The following SLC26A8 variants were observed in gnomAD, a reference collection of about 807,000 sequenced individuals.
The protein encoded by SLC26A8 is testis anion transporter 1.
In SLC26A8, 70 loss-of-function variants were observed where a neutral mutation model predicts 105.0. That is an observed-to-expected ratio of 0.67 (90% CI 0.55 to 0.81). The LOEUF (loss-of-function observed/expected upper bound fraction) is 0.81. SLC26A8 is among the 40% of genes least tolerant of loss of function. The probability of loss-of-function intolerance (pLI) is 0.00; values close to 1 mark genes in which losing one functional copy is unlikely to be tolerated. For missense variants in SLC26A8, 998 were observed against 1,181.8 expected, an observed-to-expected ratio of 0.84 and a Z score of 2.28; for synonymous variants, 415 against 438.3, an observed-to-expected ratio of 0.95 and a Z score of 0.66.
intron 2 of SLC26A8, among the ~76,000 whole-genome samples, chr6:36,015,617 T>G (rs537818720): frequency 2.0e-5 from 3 of 152,202 alleles, no homozygotes; most frequent in African/African-American, 7.2e-5. Context: ...AATACTTATT[T>G]ATAATGAGGG....
At chr6:35,993,680 T>C (rs1761257379) in intron 5 of SLC26A8, among the ~76,000 whole-genome samples, 1 of 152,084 alleles carries the variant, frequency 6.6e-6, no homozygotes, top group African/African-American at 2.4e-5. Flanking sequence ...GGGACAATAT[T>C]TGATAATTTA....
chr6:35,961,763 A>T (rs890355718), intron 12 of SLC26A8, among the ~76,000 whole-genome samples: 5 of 152,080 alleles, frequency 3.3e-5, no homozygotes, highest in African/African-American at 1.2e-4. Context: ...TCCTCCTCTC[A>T]TCACATTCTA....
intron 4 of SLC26A8, among the ~76,000 whole-genome samples, chr6:35,998,387 C>G (rs1253761732): frequency 6.6e-6 from 1 of 151,946 alleles, no homozygotes; most frequent in African/African-American, 2.4e-5. Flanking sequence ...GAAACCCCGT[C>G]TCTACCAAAA....
intron 19 of SLC26A8, among the ~76,000 whole-genome samples, chr6:35,946,363 A>G (rs1346469507): frequency 6.6e-6 from 1 of 152,160 alleles, no homozygotes; most frequent in African/African-American, 2.4e-5. Flanking sequence ...CAGGCTCCCA[A>G]GTAGCTGGAA....
At position 35,960,867 on chromosome 6, in the gene SLC26A8, A is replaced by C. The variant is rs751155856; in HGVS notation, c.1614T>G (p.Tyr538Ter). The C allele has an allele frequency of 5.0e-6, 8 of 1,614,044 alleles. No homozygotes were observed. Among genetic ancestry groups the C allele is most frequent in the Non-Finnish European group, 5.9e-6 (7 of 1,180,042 alleles). ...CCTCCCGATAATCATTGATGCTTCT[A>C]TAAATGTTGGTGTTAGGGATTTGAC... ...LLGQIPNTNI[Y>*]RSINDYREII... The change falls in exon 14 of 20, where the codon TAT (tyrosine) becomes TAG (stop). Residue 538 changes from tyrosine (Y) to a stop codon, truncating the protein, a stop_gained. Transcript: ENST00000490799. LOFTEE classifies it high-confidence loss of function.
At chr6:35,977,402 T>C (rs1414151302) in intron 8 of SLC26A8, 51 bp from the exon 9 acceptor site, 2 of 1,566,930 alleles carry the variant, frequency 1.3e-6, no homozygotes, top group African/African-American at 2.7e-5. Context: ...CCTTTCTTGG[T>C]ACCTCCGCCA....
In SLC26A8 at chr6:35,981,608, C is replaced by T. The variant is rs752544536; in HGVS notation, c.1025+513G>A. On this transcript the variant is annotated intron_variant, in intron 8 of 19. Transcript: ENST00000490799. The surrounding 1 kb of genome is among the most constrained non-coding windows in gnomAD (Gnocchi z 4.0). ...TCAAGGCTGCAGTGAGCCATGATTG[C>T]GCCACTGCACTCCAGCCTAGGCAAC... Among the ~76,000 whole-genome samples, 2 of 152,032 alleles carry T rather than the reference C, an allele frequency of 1.3e-5. No individual in the cohort carries two copies. Among genetic ancestry groups the T allele is most frequent in the South Asian group, 2.1e-4 (1 of 4,832 alleles).
At chr6:36,004,137 G>A (rs901873757) in intron 3 of SLC26A8, among the ~76,000 whole-genome samples, 15 of 145,326 alleles carry the variant, frequency 1.0e-4, no homozygotes, top group Non-Finnish European at 1.9e-4. Flanking sequence ...GTGCAGTGGT[G>A]TAATCACAGC....
rs1404831547 is a variant in SLC26A8, at chr6:35,962,367, C to T, written c.1461+159G>A. Among the ~76,000 whole-genome samples the T allele has an allele frequency of 3.3e-5, 5 of 152,264 alleles. 1 individual carries two copies. In the South Asian group the frequency reaches 1.0e-3, roughly 32 times the overall value. ...AGGTCTTCGTGTTTTCATGTACCAA[C>T]AACCTTGACTCTCCTTTTTAAAGCA... On this transcript the variant is annotated intron_variant, in intron 12 of 19. Coordinates refer to ENST00000490799, the MANE Select transcript of SLC26A8 (RefSeq NM_052961.4).
At chr6:35,960,626 A>C in intron 14 of SLC26A8, 81 of 562,668 alleles carry the variant, frequency 1.4e-4, no homozygotes, top group Non-Finnish European at 1.8e-4. Flanking sequence ...ACTGCACTGT[A>C]CTGTCCAGCT....
In SLC26A8 at chr6:36,012,373, C is replaced by CTG; in HGVS notation, c.189-3_189-2dup. On this transcript the variant is annotated splice_acceptor_variant, in intron 2 of 19. Coordinates refer to ENST00000490799, the MANE Select transcript of SLC26A8 (RefSeq NM_052961.4). LOFTEE classifies it high-confidence loss of function. ...TCGTAGGAACCTGTGCCATGAGCAGCTGTGAGAGAGAGGAGCAGAGACTTG... is the reference window on the plus strand; with the variant it reads ...TCGTAGGAACCTGTGCCATGAGCAGCTGTGTGAGAGAGAGGAGCAGAGACTTG... 6.4e-7 allele frequency: 1 copy of CTG among 1,570,130 alleles called. No homozygotes were observed. Among genetic ancestry groups the CTG allele is most frequent in the Non-Finnish European group, 8.6e-7 (1 of 1,164,382 alleles).
chr6:35,950,097 G>C (rs1009395663), intron 19 of SLC26A8, among the ~76,000 whole-genome samples: 1 of 150,872 alleles, frequency 6.6e-6, no homozygotes, highest in African/African-American at 2.4e-5. Context: ...TCGCCCGCCC[G>C]TTGTACGGTC....
intron 16 of SLC26A8, among the ~76,000 whole-genome samples, 193 bp from the exon 17 acceptor site, chr6:35,955,713 C>A (rs927377236): frequency 1.3e-5 from 2 of 152,192 alleles, no homozygotes; most frequent in Admixed American, 6.5e-5. Context: ...CCACAGTCAT[C>A]TTTCCTCATC....
rs200517699 is a variant in SLC26A8 at position 35,953,746 on chromosome 6, G to A, written c.2232+1406C>T. 5.3e-5 allele frequency among the ~76,000 whole-genome samples: 8 copies of A among 152,110 alleles called. No homozygotes were observed. In the East Asian group the frequency reaches 7.7e-4, roughly 15 times the overall value. ...CCTCTCATTTTGTAGATTAGGAAAC[G>A]GAGACCCAGTTCAATTTAGTAACTT... On this transcript the variant is annotated intron_variant, in intron 17 of 19. Transcript: ENST00000490799.
intron 2 of SLC26A8, among the ~76,000 whole-genome samples, chr6:36,017,291 C>T (rs992066508): frequency 6.6e-6 from 1 of 152,020 alleles, no homozygotes; most frequent in African/African-American, 2.4e-5. Context: ...CACCAAAAGT[C>T]CAGGCAACAA....
chr6:35,950,947 G>A (rs990564238), intron 19 of SLC26A8, among the ~76,000 whole-genome samples: 1 of 152,138 alleles, frequency 6.6e-6, no homozygotes, highest in African/African-American at 2.4e-5. Flanking sequence ...ATGACAGTGA[G>A]GGCACTTGGC....
chr6:35,990,882 G>T (rs1281056835), intron 7 of SLC26A8, among the ~76,000 whole-genome samples: 1 of 151,924 alleles, frequency 6.6e-6, no homozygotes, highest in Non-Finnish European at 1.5e-5. Flanking sequence ...GAATGAGCCC[G>T]TATTTCTTTC....
chr6:35,946,787 A>G (rs1183693204), intron 19 of SLC26A8, among the ~76,000 whole-genome samples: 1 of 152,066 alleles, frequency 6.6e-6, no homozygotes. Context: ...TACTGGGCTC[A>G]AGCAATCCTC....
chr6:35,980,771 G>GGGAGGT (rs1328945768), intron 8 of SLC26A8, among the ~76,000 whole-genome samples: 1 of 152,046 alleles, frequency 6.6e-6, no homozygotes, highest in Non-Finnish European at 1.5e-5. Context: ...CCAGCACTTT[G>GGGAGGT]GGAGGTGGAG....
Sources: gnomAD v4.1 joint callset for allele counts (sites outside exome capture counted in the v4.1 genomes callset) on GRCh38, gnomAD v4.1.1 for gene constraint, Gnocchi (gnomAD v3.1) non-coding constraint, MANE v1.5 for transcripts, NCBI Gene and HGNC (gene_info 2026-07-23, HGNC 2026-07-21) for gene names.